NRK: variants seen among roughly 807,000 people sequenced by gnomAD.
NRK encodes nik-related protein kinase.
NRK carries 67 observed loss-of-function variants against 125.2 expected under a neutral mutation model. The observed-to-expected ratio is 0.54, with a 90% CI of 0.44 to 0.66. The LOEUF (loss-of-function observed/expected upper bound fraction) is 0.66. Among genes scored for constraint, NRK ranks in the 30% least tolerant of loss-of-function variants. NRK has a pLI of 0.00. For missense variants in NRK, 1,224 were observed against 1,192.9 expected (o/e 1.03, Z -0.38); for synonymous variants, 458 against 429.0 (o/e 1.07, Z -0.84).
At chrX:105,887,955 T>G (rs62605030) in intron 4 of NRK, among the ~76,000 whole-genome samples, 3 of 112,388 alleles carry the variant, frequency 2.7e-5, no homozygotes, top group African/African-American at 9.7e-5. Flanking sequence ...TTTTATAGTA[T>G]GTGAATTATA....
intron 2 of NRK, among the ~76,000 whole-genome samples, chrX:105,840,876 G>C (rs1385864018): frequency 9.3e-6 from 1 of 106,998 alleles, no homozygotes; most frequent in African/African-American, 3.6e-5. Context: ...TATATACATA[G>C]AGAGAGAGTT....
chrX:105,870,551 T>C (rs1322657789), intron 2 of NRK, among the ~76,000 whole-genome samples: 2 of 112,015 alleles, frequency 1.8e-5, no homozygotes, highest in Non-Finnish European at 3.8e-5. Flanking sequence ...AAATGTTGTA[T>C]GTATCCCACA....
chrX:105,880,035 A>G (rs1223579933), intron 2 of NRK, among the ~76,000 whole-genome samples, 164 bp from the exon 3 acceptor site: 1 of 110,744 alleles, frequency 9.0e-6, no homozygotes, highest in Admixed American at 9.7e-5. Context: ...ATAATTTAAT[A>G]TTTCTGTTTT....
intron 2 of NRK, among the ~76,000 whole-genome samples, chrX:105,876,605 G>A (rs1428600012): frequency 9.0e-6 from 1 of 111,670 alleles, no homozygotes; most frequent in Admixed American, 9.5e-5. Flanking sequence ...AGGCAATTGT[G>A]AGATTATTTA....
intron 2 of NRK, among the ~76,000 whole-genome samples, chrX:105,865,187 C>T (rs1218184145): frequency 9.0e-6 from 1 of 111,468 alleles, no homozygotes; most frequent in Admixed American, 9.6e-5. Flanking sequence ...TCACTATCTC[C>T]TAAGCCCGCA....
intron 2 of NRK, among the ~76,000 whole-genome samples, chrX:105,853,230 C>T (rs2089116703): frequency 8.9e-6 from 1 of 111,834 alleles, no homozygotes; most frequent in Non-Finnish European, 1.9e-5. Context: ...TTGGGAGCCA[C>T]TCCAGAAATA....
chrX:105,939,156 A>G (rs779029897), intron 22 of NRK, among the ~76,000 whole-genome samples: 1 of 111,752 alleles, frequency 8.9e-6, no homozygotes, highest in African/African-American at 3.3e-5. Flanking sequence ...GTAAAAACAT[A>G]TGAAAGACTA....
chrX:105,900,587 A>G (rs756215762), intron 8 of NRK, 31 bp from the exon 9 acceptor site: 7 of 1,078,859 alleles, frequency 6.5e-6, no homozygotes, highest in Admixed American at 2.3e-5. Context: ...CCTATTTTTA[A>G]GTGACTTTTT....
chrX:105,878,771 T>A (rs774836821), intron 2 of NRK, among the ~76,000 whole-genome samples: 2 of 111,482 alleles, frequency 1.8e-5, no homozygotes, highest in South Asian at 7.6e-4. Flanking sequence ...TTCTGGACAT[T>A]TCCTTGTGCC....
intron 26 of NRK, among the ~76,000 whole-genome samples, chrX:105,947,730 A>G (rs1233675924): frequency 8.9e-6 from 1 of 112,097 alleles, no homozygotes; most frequent in Non-Finnish European, 1.9e-5. Flanking sequence ...GTTTAGCATT[A>G]TACAAAAAGT....
rs770129226 is a variant in NRK, at chrX:105,835,071, T to G, written c.123+3952T>G. Among the ~76,000 whole-genome samples the G allele has an allele frequency of 3.3e-3, 371 of 111,983 alleles. 3 individuals carry two copies. Among genetic ancestry groups the G allele is most frequent in the African/African-American group, 0.012 (364 of 30,948 alleles). On this transcript the variant is annotated intron_variant, in intron 2 of 28. Transcript: ENST00000243300. ...AGAATGTTTTTTATTTTACTTTATT[T>G]CACAATTTTTGTTTAAATGACATAG...
intron 2 of NRK, among the ~76,000 whole-genome samples, chrX:105,843,530 T>C (rs1342930391): frequency 8.9e-6 from 1 of 112,499 alleles, no homozygotes; most frequent in Non-Finnish European, 1.9e-5. Context: ...CTATTCTGAC[T>C]ATAAAAAGGT....
chrX:105,878,611 TG>T (rs1386076382), intron 2 of NRK, among the ~76,000 whole-genome samples: 1 of 111,823 alleles, frequency 8.9e-6, no homozygotes, highest in African/African-American at 3.2e-5. Flanking sequence ...CCTTTGCATT[TG>T]TTTCCCAAGA....
At chrX:105,931,922 A>T (rs1379293374) in intron 19 of NRK, among the ~76,000 whole-genome samples, 1 of 111,629 alleles carries the variant, frequency 9.0e-6, no homozygotes, top group Non-Finnish European at 1.9e-5. Context: ...TTACATTCAG[A>T]ATGTTGTGGG....
At chrX:105,875,966 T>C (rs2039810428) in intron 2 of NRK, among the ~76,000 whole-genome samples, 1 of 111,155 alleles carries the variant, frequency 9.0e-6, no homozygotes, top group African/African-American at 3.3e-5. Context: ...CTGTCATTTG[T>C]GACAACATGG....
At chrX:105,925,991 G>A (rs1208729627) in intron 19 of NRK, among the ~76,000 whole-genome samples, 3 of 110,739 alleles carry the variant, frequency 2.7e-5, no homozygotes, top group African/African-American at 9.8e-5. Context: ...GGATCATATG[G>A]TAGTTCTATT....
intron 4 of NRK, among the ~76,000 whole-genome samples, chrX:105,887,726 TATAA>T (rs1296549066): frequency 8.9e-6 from 1 of 112,145 alleles, no homozygotes; most frequent in Admixed American, 9.5e-5. Flanking sequence ...ATTTCATTTA[TATAA>T]AATGTCCAGA....
Position 105,876,386 on chromosome X carries a change from A to G in NRK, c.124-3813A>G, listed in dbSNP as rs1016793558. Among the ~76,000 whole-genome samples the G allele has an allele frequency of 2.7e-5, 3 of 111,170 alleles. No homozygotes were observed. In the Admixed American group the frequency reaches 2.9e-4, roughly 11 times the overall value. ...CAAACCACCTTGTTATAAACCATAAATATATACAATTTTTATTTATCAATT... is the reference window on the plus strand; with the variant it reads ...CAAACCACCTTGTTATAAACCATAAGTATATACAATTTTTATTTATCAATT... On this transcript the variant is annotated intron_variant, in intron 2 of 28. Transcript: ENST00000243300.
chrX:105,884,931 T>C (rs896451609), intron 4 of NRK, among the ~76,000 whole-genome samples: 5 of 111,179 alleles, frequency 4.5e-5, no homozygotes, highest in Non-Finnish European at 9.4e-5. Context: ...GTTGGGATTA[T>C]AGGCATCTAC....
Sources: allele counts gnomAD v4.1 joint callset (sites outside exome capture counted in the v4.1 genomes callset), GRCh38; gene constraint gnomAD v4.1.1; transcripts MANE v1.5; gene names NCBI Gene and HGNC (gene_info 2026-07-23, HGNC 2026-07-21).